Variants in PI4K2B observed in about 807,000 individuals in gnomAD.
PI4K2B encodes phosphatidylinositol 4-kinase type 2-beta.
PI4K2B carries 46 observed loss-of-function variants against 56.6 expected under a neutral mutation model. The observed-to-expected ratio is 0.81, with a 90% CI of 0.64 to 1.04. The LOEUF is 1.04. PI4K2B is among the 50% of genes least tolerant of loss of function. The probability of loss-of-function intolerance (pLI) is 0.00; values close to 1 mark genes in which losing one functional copy is unlikely to be tolerated. For synonymous variants in PI4K2B, 211 were observed against 223.8 expected, an observed-to-expected ratio of 0.94 and a Z score of 0.51; for missense variants, 556 against 607.7, an observed-to-expected ratio of 0.91 and a Z score of 0.89.
At chr4:25,260,868 G>GGTTTTTTTTTTTTT (rs1560376276) in intron 6 of PI4K2B, among the ~76,000 whole-genome samples, 1 of 87,272 alleles carries the variant, frequency 1.1e-5, no homozygotes, top group African/African-American at 3.7e-5. Flanking sequence ...CTTGATTCTT[G>GGTTTTTTTTTTTTT]ATTTTTTTTT....
chr4:25,271,619 T>C (rs7696265), intron 9 of PI4K2B, among the ~76,000 whole-genome samples: 11,285 of 152,226 alleles, frequency 0.074, 474 homozygotes, highest in South Asian at 0.13. Context: ...CCAAAACTTA[T>C]TTGAGCTAAA....
At chr4:25,246,761 C>T (rs1327253968) in intron 1 of PI4K2B, among the ~76,000 whole-genome samples, 3 of 152,200 alleles carry the variant, frequency 2.0e-5, no homozygotes, top group African/African-American at 7.2e-5. Flanking sequence ...GGTCCCGAGC[C>T]CTGCCCTGTG....
chr4:25,263,275 C>CTTA (rs1229895939), intron 6 of PI4K2B, among the ~76,000 whole-genome samples: 10 of 152,032 alleles, frequency 6.6e-5, no homozygotes, highest in African/African-American at 2.4e-4. Context: ...TCTACTAGAT[C>CTTA]TTATATTTAA....
At position 25,260,665 on chromosome 4, in the gene PI4K2B, TAC is replaced by T. The variant is rs1157727207; in HGVS notation, c.978+85_978+86del. 7.7e-4 allele frequency: 214 copies of T among 278,522 alleles called. 2 individuals are homozygous for T. Among genetic ancestry groups the T allele is most frequent in the South Asian group, 2.7e-3 (19 of 6,996 alleles). 17.3% of individuals were successfully genotyped at this position (278,522 alleles called of 1,614,324 possible). On this transcript the variant is annotated intron_variant, in intron 6 of 9. Transcript: ENST00000264864. The stretch of plus-strand genomic sequence containing the variant: ...ATACACACACACACACACACACACA[TAC>T]ACACACACACGTGTATATAATTGTG...
intron 1 of PI4K2B, among the ~76,000 whole-genome samples, chr4:25,238,092 T>C (rs1050559074): frequency 1.3e-5 from 2 of 152,108 alleles, no homozygotes; most frequent in Admixed American, 1.3e-4. Context: ...GTGAACAGAA[T>C]AAGAAAATCA....
At chr4:25,246,482 A>T (rs2109090190) in intron 1 of PI4K2B, among the ~76,000 whole-genome samples, 1 of 152,246 alleles carries the variant, frequency 6.6e-6, no homozygotes, top group South Asian at 2.1e-4. Flanking sequence ...CAGAGTGCTG[A>T]TTGGTGTATT....
chr4:25,273,462 T>G (rs1207817463), intron 9 of PI4K2B, among the ~76,000 whole-genome samples: 1 of 152,212 alleles, frequency 6.6e-6, no homozygotes, highest in African/African-American at 2.4e-5. Flanking sequence ...CTTTAGTACC[T>G]CCTGGTACTT....
intron 7 of PI4K2B, among the ~76,000 whole-genome samples, chr4:25,268,078 C>G (rs6855737): frequency 1.4e-3 from 216 of 152,124 alleles, no homozygotes; most frequent in African/African-American, 5.0e-3. Flanking sequence ...ACAGTGAGAC[C>G]CATTATCTTA....
At chr4:25,235,048 GGA>G (rs1258126761) in intron 1 of PI4K2B, among the ~76,000 whole-genome samples, 1 of 152,170 alleles carries the variant, frequency 6.6e-6, no homozygotes, top group Non-Finnish European at 1.5e-5. Flanking sequence ...GCTATTAAGC[GGA>G]CTGATAACCT....
chr4:25,256,730 C>T (rs1716276594), intron 4 of PI4K2B, 56 bp downstream of exon 4: 3 of 1,493,186 alleles, frequency 2.0e-6, no homozygotes, highest in Non-Finnish European at 2.8e-6. Context: ...ACATCCTGAG[C>T]TCTAGGAGCC....
chr4:25,236,685 C>T (rs1439018312), intron 1 of PI4K2B, among the ~76,000 whole-genome samples: 1 of 152,140 alleles, frequency 6.6e-6, no homozygotes, highest in Non-Finnish European at 1.5e-5. Flanking sequence ...AAATGGTTTG[C>T]CCGAAGTCAA....
At chr4:25,276,364 G>A (rs1717093273) in intron 9 of PI4K2B, 2 of 323,620 alleles carry the variant, frequency 6.2e-6, no homozygotes, top group African/African-American at 4.5e-5. Context: ...ACTCTTAAAT[G>A]TACCTTTATT....
chr4:25,260,943 A>G (rs1194719666), intron 6 of PI4K2B, among the ~76,000 whole-genome samples: 7 of 149,528 alleles, frequency 4.7e-5, no homozygotes, highest in African/African-American at 1.7e-4. Context: ...TCTGGCCTCA[A>G]GCAATCCATC....
In PI4K2B at chr4:25,279,157, T is replaced by A. The variant is rs1443018580; in HGVS notation, c.*1970T>A. On this transcript the variant is annotated 3_prime_UTR_variant, in exon 10 of 10. Transcript: ENST00000264864. ...TTATGAACACATTTACTATAAATGA[T>A]GCCAAACTATCATTTTCTTCATATA... The A allele has an allele frequency of 6.6e-6, 1 of 152,260 alleles. No individual in the cohort carries two copies. Among genetic ancestry groups the A allele is most frequent in the African/African-American group, 2.4e-5 (1 of 41,378 alleles). The allele number at this position is 152,260 out of a possible 1,614,324, so 9.4% of individuals were successfully genotyped here. A position where few individuals can be genotyped will look rare whatever the true frequency, so the allele number is the denominator to read the frequency against.
chr4:25,234,312 TGGACGCTGCC>T lies in PI4K2B; in HGVS notation c.152_161del (p.Asp51GlyfsTer37), dbSNP rs1488736883. The T allele has an allele frequency of 5.6e-6, 8 of 1,417,942 alleles. No individual in the cohort carries two copies. The highest frequency in any genetic ancestry group is 2.6e-5 in the Admixed American group (1 of 37,740). The allele number at this position is 1,417,942 out of a possible 1,614,324, so 87.8% of individuals were successfully genotyped here. On this transcript the variant is annotated frameshift_variant, in exon 1 of 10. Transcript: ENST00000264864. LOFTEE classifies it high-confidence loss of function. ...GCCCCAGGCAGCGCCGTGAGGCTGC[TGGACGCTGCC>T]GGGGAGGAGGGCGAGGCCGGCGACG...
chr4:25,244,428 G>A (rs1217265944), intron 1 of PI4K2B, among the ~76,000 whole-genome samples: 6 of 152,110 alleles, frequency 3.9e-5, no homozygotes, highest in Admixed American at 3.9e-4. Flanking sequence ...AAGAAAGCTT[G>A]GACATAAGGT....
At chr4:25,252,241 A>C (rs1716087134) in intron 1 of PI4K2B, 80 bp from the exon 2 acceptor site, 1 of 1,040,332 alleles carries the variant, frequency 9.6e-7, no homozygotes, top group African/African-American at 1.6e-5. Context: ...TGTACCTTAT[A>C]TCCTGATACC....
intron 1 of PI4K2B, among the ~76,000 whole-genome samples, chr4:25,246,123 A>G (rs965265811): frequency 1.3e-5 from 2 of 152,098 alleles, no homozygotes; most frequent in Admixed American, 6.5e-5. Flanking sequence ...TGAGTGTTAC[A>G]GCTCAGAAAG....
chr4:25,257,826 A>T (rs1279036636), intron 4 of PI4K2B, among the ~76,000 whole-genome samples: 5 of 152,200 alleles, frequency 3.3e-5, no homozygotes, highest in African/African-American at 1.2e-4. Flanking sequence ...CTAAAGGAGG[A>T]TGTTATTTCC....
Sources: allele counts gnomAD v4.1 joint callset (sites outside exome capture counted in the v4.1 genomes callset), GRCh38; gene constraint gnomAD v4.1.1; transcripts MANE v1.5; gene names NCBI Gene and HGNC (gene_info 2026-07-23, HGNC 2026-07-21).